Variants in TMC1 observed in about 807,000 individuals in gnomAD.
TMC1 encodes the protein transmembrane channel like 1.
TMC1 carries 84 observed loss-of-function variants against 105.8 expected under a neutral mutation model. The ratio of observed to expected loss-of-function variants is 0.79; its 90% CI spans 0.67 to 0.95. The LOEUF (loss-of-function observed/expected upper bound fraction) is 0.95, where lower values mean the gene tolerates loss of function less well. Among genes scored for constraint, TMC1 ranks in the 40% least tolerant of loss-of-function variants. The pLI, the probability that TMC1 is intolerant of heterozygous loss-of-function variation, is 0.00. For synonymous variants in TMC1, 315 were observed against 311.5 expected (o/e 1.01, Z -0.12); for missense variants, 817 against 914.1 (o/e 0.89, Z 1.37).
chr9:72,648,475 G>A, intron 4 of TMC1, 122 bp from the exon 5 acceptor site: 1 of 681,270 alleles, frequency 1.5e-6, no homozygotes, highest in Non-Finnish European at 2.7e-6. Flanking sequence ...TAATGGTGAG[G>A]AAATGAGTAC....
intron 8 of TMC1, among the ~76,000 whole-genome samples, chr9:72,735,728 G>A (rs1159453790): frequency 6.6e-6 from 1 of 152,158 alleles, no homozygotes; most frequent in East Asian, 1.9e-4. Flanking sequence ...TTGAGTCTCT[G>A]ATACCTTGCA....
chr9:72,659,944 A>T (rs1305806913), intron 5 of TMC1, among the ~76,000 whole-genome samples: 1 of 152,148 alleles, frequency 6.6e-6, no homozygotes, highest in Non-Finnish European at 1.5e-5. Flanking sequence ...GTTCAAAATC[A>T]TTGCTTTCTA....
chr9:72,701,477 A>G (rs754813456), intron 8 of TMC1, among the ~76,000 whole-genome samples: 8 of 152,172 alleles, frequency 5.3e-5, no homozygotes, highest in African/African-American at 1.9e-4. Context: ...GATAACAGCC[A>G]TGTTTGCATC....
At chr9:72,784,844 A>C (rs1210302090) in intron 13 of TMC1, among the ~76,000 whole-genome samples, 1 of 152,242 alleles carries the variant, frequency 6.6e-6, no homozygotes, top group Non-Finnish European at 1.5e-5. Context: ...AGGAACAGAA[A>C]ACCAAATAAC....
At chr9:72,582,525 C>T (rs1401375253) in intron 2 of TMC1, among the ~76,000 whole-genome samples, 2 of 152,112 alleles carry the variant, frequency 1.3e-5, no homozygotes, top group East Asian at 1.9e-4. Context: ...CACATAGCCC[C>T]CTTGGAAGCT....
chr9:72,571,376 T>TC (rs1564418218), intron 1 of TMC1, among the ~76,000 whole-genome samples: 13 of 149,290 alleles, frequency 8.7e-5, no homozygotes, highest in Admixed American at 4.7e-4. Context: ...ACTTCTCTCT[T>TC]TCTCTCTCTC....
intron 2 of TMC1, among the ~76,000 whole-genome samples, chr9:72,609,293 C>T (rs955718728): frequency 1.3e-5 from 2 of 151,538 alleles, no homozygotes; most frequent in Non-Finnish European, 2.9e-5. Flanking sequence ...AATCCTAGCA[C>T]TTTGGGATGC....
intron 4 of TMC1, among the ~76,000 whole-genome samples, chr9:72,647,156 AAAAG>A (rs1215375349): frequency 6.6e-6 from 1 of 151,588 alleles, no homozygotes. Context: ...AAAAAAAAAA[AAAAG>A]AGAGAGAAAA....
chr9:72,545,047 C>T (rs1011756694), intron 1 of TMC1, among the ~76,000 whole-genome samples: 20 of 151,828 alleles, frequency 1.3e-4, no homozygotes, highest in Admixed American at 3.3e-4. Flanking sequence ...TTTGGTTTTC[C>T]ATTCCTGAGT....
intron 12 of TMC1, among the ~76,000 whole-genome samples, chr9:72,769,003 C>T (rs1278518752): frequency 1.3e-5 from 2 of 152,098 alleles, no homozygotes; most frequent in East Asian, 1.9e-4. Flanking sequence ...TTTCTTGTTT[C>T]TTTCCTTTCT....
chr9:72,586,902 G>T (rs908423396), intron 2 of TMC1, among the ~76,000 whole-genome samples: 3 of 152,190 alleles, frequency 2.0e-5, no homozygotes, highest in Non-Finnish European at 2.9e-5. Flanking sequence ...ATGTAAAGAG[G>T]AAGTGACTCA....
chr9:72,547,463 A>T lies in TMC1; in HGVS notation c.-428+25550A>T, dbSNP rs183720665. Among the ~76,000 whole-genome samples the T allele has an allele frequency of 2.0e-5, 3 of 152,242 alleles. No individual in the cohort carries two copies. In the East Asian group the frequency reaches 5.8e-4, roughly 29 times the overall value. ...AAATTTCTTTGACTTTTACCTGAAC[A>T]CTACAGTCAGTCTTGGCCATAGTTT... On this transcript the variant is annotated intron_variant, in intron 1 of 23. Transcript: ENST00000297784.
chr9:72,656,131 C>T (rs927444173), intron 5 of TMC1: 6 of 644,398 alleles, frequency 9.3e-6, no homozygotes, highest in Non-Finnish European at 1.8e-5. Context: ...TAGAGTGATT[C>T]GAATTCGGTG....
rs113342704 is a variant in TMC1, at chr9:72,788,378, C to T, written c.924C>T (p.Asp308=). Residue 308 remains aspartate, a synonymous_variant, in exon 14 of 24, where the codon GAC becomes GAT. Transcript: ENST00000297784. ...TTGGTGATGATGGAGGTGGAGATGA[C>T]AACACTTTCAATTTCAGCTGGAAGG... The part of the protein sequence containing the change: ...KNIGDDGGGD[D]NTFNFSWKVF... 5.6e-6 allele frequency: 9 copies of T among 1,613,868 alleles called. No individual in the cohort carries two copies. Among genetic ancestry groups the T allele is most frequent in the South Asian group, 1.1e-5 (1 of 91,068 alleles).
At chr9:72,639,984 C>G (rs1260100729) in intron 4 of TMC1, among the ~76,000 whole-genome samples, 1 of 152,104 alleles carries the variant, frequency 6.6e-6, no homozygotes, top group Non-Finnish European at 1.5e-5. Flanking sequence ...TAGCCTAATT[C>G]AAAAGCATCA....
chr9:72,705,036 AT>A (rs753120293), intron 8 of TMC1, among the ~76,000 whole-genome samples: 32 of 152,198 alleles, frequency 2.1e-4, no homozygotes, highest in Non-Finnish European at 4.3e-4. Flanking sequence ...TCATTTAAAA[AT>A]ATCCATTAAT....
chr9:72,563,928 A>T (rs1240945076), intron 1 of TMC1, among the ~76,000 whole-genome samples: 1 of 147,210 alleles, frequency 6.8e-6, no homozygotes, highest in Non-Finnish European at 1.5e-5. Context: ...AAAAAAGTAT[A>T]AATTGGGGGA....
At chr9:72,541,367 CTGAA>C (rs1823673295) in intron 1 of TMC1, among the ~76,000 whole-genome samples, 1 of 152,138 alleles carries the variant, frequency 6.6e-6, no homozygotes. Context: ...AAGTATTTGT[CTGAA>C]TGAATTGTTT....
At chr9:72,676,208 G>T (rs1037028473) in intron 5 of TMC1, among the ~76,000 whole-genome samples, 2 of 152,134 alleles carry the variant, frequency 1.3e-5, no homozygotes, top group African/African-American at 4.8e-5. Context: ...CCAATTTAGG[G>T]TAATATTTTA....
Sources: gnomAD v4.1 joint callset for allele counts (sites outside exome capture counted in the v4.1 genomes callset) on GRCh38, gnomAD v4.1.1 for gene constraint, MANE v1.5 for transcripts, NCBI Gene and HGNC (gene_info 2026-07-23, HGNC 2026-07-21) for gene names.